OR2M4: variants seen among roughly 807,000 people sequenced by gnomAD.
OR2M4 encodes olfactory receptor 2M4.
A neutral mutation model predicts 13.7 loss-of-function variants in OR2M4; 8 were observed. The ratio of observed to expected loss-of-function variants is 0.58; its 90% CI spans 0.34 to 1.05. The LOEUF is 1.05. OR2M4 is among the 50% of genes least tolerant of loss of function. OR2M4 has a pLI of 0.02. For missense variants in OR2M4, 374 were observed against 381.6 expected (o/e 0.98, Z 0.17); for synonymous variants, 152 against 141.3 (o/e 1.08, Z -0.53).
chr1:248,232,100 T>A lies in OR2M4; in HGVS notation c.-20+520T>A, dbSNP rs181382913. ...AGTTTAGAAATTATTGGGGAAGTGA[T>A]TCACTCCCACAAAGTACCCAGTTTT... On this transcript the variant is annotated intron_variant, in intron 1 of 1. Transcript: ENST00000641868. Among the ~76,000 whole-genome samples, 3 of 152,278 alleles carry A rather than the reference T, an allele frequency of 2.0e-5. No individual in the cohort carries two copies. In the East Asian group the frequency reaches 5.8e-4, roughly 29 times the overall value.
At chr1:248,235,256 T>C (rs184957311) in intron 1 of OR2M4, among the ~76,000 whole-genome samples, 21 of 152,282 alleles carry the variant, frequency 1.4e-4, no homozygotes, top group Admixed American at 9.8e-4. Context: ...ATTTACTAAA[T>C]AGGGACTCCT....
In OR2M4 at chr1:248,242,025, G is replaced by A. The variant is rs186277246; in HGVS notation, c.*2161G>A. 7.9e-4 allele frequency: 121 copies of A among 152,266 alleles called. No individual in the cohort carries two copies. The highest frequency in any genetic ancestry group is 3.4e-3 in the Middle Eastern group (1 of 294). 9.4% of individuals were successfully genotyped at this position (152,266 alleles called of 1,614,324 possible). A position where few individuals can be genotyped will look rare whatever the true frequency, so the allele number is the denominator to read the frequency against. On this transcript the variant is annotated 3_prime_UTR_variant, in exon 2 of 2. Coordinates refer to ENST00000641868, the MANE Select transcript of OR2M4 (RefSeq NM_017504.2). ...AAAGAAGATAATACTATGTCCCTAT[G>A]TGTTTCATTCCACTTTATGATACAC...
chr1:248,243,678 A>G lies in OR2M4; in HGVS notation c.*3814A>G, dbSNP rs963913319. ...AATTTTTGGCTAATTTCCCAAAAAC[A>G]TTTGCAACAAAAATTGACAAGCTAG... On this transcript the variant is annotated 3_prime_UTR_variant, in exon 2 of 2. Coordinates refer to ENST00000641868, the MANE Select transcript of OR2M4 (RefSeq NM_017504.2). 4 of 152,316 alleles carry G rather than the reference A, an allele frequency of 2.6e-5. No homozygotes were observed. The highest frequency in any genetic ancestry group is 6.5e-5 in the Admixed American group (1 of 15,300). The allele number at this position is 152,316 out of a possible 1,614,324, so 9.4% of individuals were successfully genotyped here.
At chr1:248,236,435 A>G (rs1322367724) in intron 1 of OR2M4, among the ~76,000 whole-genome samples, 3 of 152,196 alleles carry the variant, frequency 2.0e-5, no homozygotes, top group African/African-American at 7.2e-5. Context: ...AACTTAGAGC[A>G]CTAAATGCCC....
chr1:248,233,719 CA>C (rs1210292711), intron 1 of OR2M4, among the ~76,000 whole-genome samples: 3 of 151,574 alleles, frequency 2.0e-5, no homozygotes, highest in South Asian at 2.1e-4. Flanking sequence ...TCTGGAAATT[CA>C]AAAAAAATTT....
At position 248,240,130 on chromosome 1, in the gene OR2M4, T is replaced by C; in HGVS notation, c.*266T>C. ...GGGTGGTACTTGATTTTAGGATGCT[T>C]ACTTTTGAAGCCAGGTATAAGTCCG... On this transcript the variant is annotated 3_prime_UTR_variant, in exon 2 of 2. Transcript: ENST00000641868. 1 of 286,596 alleles carries C rather than the reference T, an allele frequency of 3.5e-6. No homozygotes were observed. Among genetic ancestry groups the C allele is most frequent in the East Asian group, 7.1e-5 (1 of 14,078 alleles). 17.8% of individuals were successfully genotyped at this position (286,596 alleles called of 1,614,324 possible). A position where few individuals can be genotyped will look rare whatever the true frequency, so the allele number is the denominator to read the frequency against.
chr1:248,239,307 T>G lies in OR2M4; in HGVS notation c.379T>G (p.Cys127Gly). Residue 127 changes from cysteine (C) to glycine (G), a missense_variant, in exon 2 of 2, where the codon TGT becomes GGT. Cys to Gly is a radical substitution (Grantham distance 159, BLOSUM62 -3). Transcript: ENST00000641868. Reference sequence around the variant, plus strand: ...GGCTTATGACCGCTATGTGGCTATATGTCACCCTCTTCAGTACACCATCCT... The same window carrying G: ...GGCTTATGACCGCTATGTGGCTATAGGTCACCCTCTTCAGTACACCATCCT... ...VMAYDRYVAICHPLQYTILMN... is the reference protein window; with the variant it reads ...VMAYDRYVAIGHPLQYTILMN... The G allele has an allele frequency of 6.2e-7, 1 of 1,614,096 alleles. No individual in the cohort carries two copies. The highest frequency in any genetic ancestry group is 8.5e-7 in the Non-Finnish European group (1 of 1,180,018).
At position 248,240,270 on chromosome 1, in the gene OR2M4, C is replaced by G. The variant is rs1425475276; in HGVS notation, c.*406C>G. 6.5e-6 allele frequency: 1 copy of G among 154,114 alleles called. No individual in the cohort carries two copies. Among genetic ancestry groups the G allele is most frequent in the African/African-American group, 2.4e-5 (1 of 41,496 alleles). The allele number at this position is 154,114 out of a possible 1,614,324, so 9.5% of individuals were successfully genotyped here. A position where few individuals can be genotyped will look rare whatever the true frequency, so the allele number is the denominator to read the frequency against. On this transcript the variant is annotated 3_prime_UTR_variant, in exon 2 of 2. Coordinates refer to ENST00000641868, the MANE Select transcript of OR2M4 (RefSeq NM_017504.2). Reference sequence around the variant, plus strand: ...TAGTACTTGTTTTTAATTTGCCCATCCTCAAACCCAAGAATGACTATTTTA... The same window carrying G: ...TAGTACTTGTTTTTAATTTGCCCATGCTCAAACCCAAGAATGACTATTTTA...
At position 248,244,500 on chromosome 1, in the gene OR2M4, G is replaced by A. The variant is rs1013592964; in HGVS notation, c.*4636G>A. On this transcript the variant is annotated 3_prime_UTR_variant, in exon 2 of 2. Coordinates refer to ENST00000641868, the MANE Select transcript of OR2M4 (RefSeq NM_017504.2). The stretch of plus-strand genomic sequence containing the variant: ...AGGAGCTAAACTTTGGGTACTCAAG[G>A]ATGTAAAGATGGAAACAATAGACAC... 6.6e-6 allele frequency: 1 copy of A among 152,276 alleles called. No homozygotes were observed. Among genetic ancestry groups the A allele is most frequent in the Non-Finnish European group, 1.5e-5 (1 of 68,022 alleles). The allele number at this position is 152,276 out of a possible 1,614,324, so 9.4% of individuals were successfully genotyped here.
At chr1:248,234,542 C>T (rs995348881) in intron 1 of OR2M4, among the ~76,000 whole-genome samples, 2 of 152,150 alleles carry the variant, frequency 1.3e-5, no homozygotes, top group Non-Finnish European at 2.9e-5. Flanking sequence ...TGAGTGAGAA[C>T]ATGCGGTGTT....
At chr1:248,233,672 TAAC>T (rs562871384) in intron 1 of OR2M4, among the ~76,000 whole-genome samples, 352 of 152,172 alleles carry the variant, frequency 2.3e-3, no homozygotes, top group African/African-American at 7.7e-3. Context: ...TAGTAGGAAA[TAAC>T]AACAAAGACA....
chr1:248,232,571 C>G (rs924683395), intron 1 of OR2M4, among the ~76,000 whole-genome samples: 34 of 152,250 alleles, frequency 2.2e-4, no homozygotes, highest in African/African-American at 7.9e-4. Flanking sequence ...AATTCTTCCT[C>G]TCACTTAGTC....
In OR2M4 at chr1:248,239,137, A is replaced by T; in HGVS notation, c.209A>T (p.Asp70Val). The part of the protein sequence containing the change: ...YFLLSQLSLM[D>V]LMLICTTLPK... The stretch of plus-strand genomic sequence containing the variant: ...CTCCTCAGTCAACTGTCCCTTATGG[A>T]CCTCATGCTCATCTGCACCACTCTA... Residue 70 changes from aspartate (D) to valine (V), a missense_variant, in exon 2 of 2, where the codon GAC (aspartate) becomes GTC (valine). Coordinates refer to ENST00000641868, the MANE Select transcript of OR2M4 (RefSeq NM_017504.2). 6.2e-7 allele frequency: 1 copy of T among 1,613,742 alleles called. No homozygotes were observed. The highest frequency in any genetic ancestry group is 8.5e-7 in the Non-Finnish European group (1 of 1,179,888).
At position 248,239,903 on chromosome 1, in the gene OR2M4, A is replaced by C. The variant is rs1378526307; in HGVS notation, c.*39A>C. 7.1e-6 allele frequency: 9 copies of C among 1,270,368 alleles called. No homozygotes were observed. The highest frequency in any genetic ancestry group is 9.8e-6 in the Non-Finnish European group (9 of 920,946). 78.7% of individuals were successfully genotyped at this position (1,270,368 alleles called of 1,614,324 possible). Reference sequence around the variant, plus strand: ...TTTTTGAGTGCCTACTGTGGTCAACACTCATTCAAAAAAACTGGAATCTCT... The same window carrying C: ...TTTTTGAGTGCCTACTGTGGTCAACCCTCATTCAAAAAAACTGGAATCTCT... On this transcript the variant is annotated 3_prime_UTR_variant, in exon 2 of 2. Coordinates refer to ENST00000641868, the MANE Select transcript of OR2M4 (RefSeq NM_017504.2).
At chr1:248,237,879 T>C (rs1446246798) in intron 1 of OR2M4, among the ~76,000 whole-genome samples, 2 of 152,190 alleles carry the variant, frequency 1.3e-5, no homozygotes, top group East Asian at 3.8e-4. Flanking sequence ...GTCTCCAAAG[T>C]AGCACATTGC....
intron 1 of OR2M4, among the ~76,000 whole-genome samples, chr1:248,233,396 A>G (rs1291705615): frequency 6.6e-6 from 1 of 152,176 alleles, no homozygotes; most frequent in Admixed American, 6.6e-5. Context: ...AAAGCTTGCT[A>G]TATGTCTACT....
At position 248,243,826 on chromosome 1, in the gene OR2M4, T is replaced by C. The variant is rs953700840; in HGVS notation, c.*3962T>C. The C allele has an allele frequency of 2.0e-5, 3 of 152,160 alleles. No individual in the cohort carries two copies. Among genetic ancestry groups the C allele is most frequent in the Non-Finnish European group, 4.4e-5 (3 of 68,026 alleles). The allele number at this position is 152,160 out of a possible 1,614,324, so 9.4% of individuals were successfully genotyped here. ...ACAAAGGTCTAACATCCAGATTCTA[T>C]ACGGAACTTAAGTCAACAAGCAAAA... On this transcript the variant is annotated 3_prime_UTR_variant, in exon 2 of 2. Coordinates refer to ENST00000641868, the MANE Select transcript of OR2M4 (RefSeq NM_017504.2).
rs888260385 is a variant in OR2M4 at position 248,244,054 on chromosome 1, A to C, written c.*4190A>C. ...TTAATAAAGTCAAATAATAACAAAT[A>C]CTAGTGAAGCTGTGGAGAAAAGGAA... On this transcript the variant is annotated 3_prime_UTR_variant, in exon 2 of 2. Transcript: ENST00000641868. The C allele has an allele frequency of 4.6e-5, 7 of 152,130 alleles. No individual in the cohort carries two copies. The highest frequency in any genetic ancestry group is 1.7e-4 in the African/African-American group (7 of 41,410). 9.4% of individuals were successfully genotyped at this position (152,130 alleles called of 1,614,324 possible). A position where few individuals can be genotyped will look rare whatever the true frequency, so the allele number is the denominator to read the frequency against.
In OR2M4 at chr1:248,235,796, C is replaced by T. The variant is rs1490677771; in HGVS notation, c.-19-3114C>T. On this transcript the variant is annotated intron_variant, in intron 1 of 1. Transcript: ENST00000641868. ...GGAAGTTCATTCATGAGTTGGCTCT[C>T]TGCTTGTCTATTGTTGGTGCATAGG... Among the ~76,000 whole-genome samples the T allele has an allele frequency of 2.0e-5, 3 of 152,044 alleles. No homozygotes were observed. The East Asian group carries it at 5.8e-4, about 29-fold the overall frequency.
Sources: allele counts gnomAD v4.1 joint callset (sites outside exome capture counted in the v4.1 genomes callset), GRCh38; gene constraint gnomAD v4.1.1; transcripts MANE v1.5; gene names NCBI Gene and HGNC (gene_info 2026-07-23, HGNC 2026-07-21).